The following RNF17 variants were observed in gnomAD, a reference collection of about 807,000 sequenced individuals.
RNF17 encodes ring finger protein 17.
A neutral mutation model predicts 200.5 loss-of-function variants in RNF17; 31 were observed. That is an observed-to-expected ratio of 0.15 (90% confidence interval 0.12 to 0.21). The LOEUF (loss-of-function observed/expected upper bound fraction) is 0.21, where lower values mean the gene tolerates loss of function less well. RNF17 is among the 10% of genes least tolerant of loss of function. RNF17 has a pLI of 1.00. For missense variants in RNF17, 1,628 were observed against 1,905.1 expected (o/e 0.85, Z 2.71); for synonymous variants, 606 against 637.8 (o/e 0.95, Z 0.75).
At chr13:24,830,006 G>A (rs370138459) in intron 16 of RNF17, among the ~76,000 whole-genome samples, 4 of 152,188 alleles carry the variant, frequency 2.6e-5, no homozygotes, top group African/African-American at 9.6e-5. Context: ...TTTTAAATAG[G>A]CGAATCCTCC....
In RNF17 at chr13:24,772,890, C is replaced by T. The variant is rs373791286; in HGVS notation, c.226-1923C>T. Reference sequence around the variant, plus strand: ...CTCCCAAAAGTGCTGGGATTACAGGCGTGAGCCACCGCCCCTGGTCGTGAA... The same window carrying T: ...CTCCCAAAAGTGCTGGGATTACAGGTGTGAGCCACCGCCCCTGGTCGTGAA... On this transcript the variant is annotated intron_variant, in intron 2 of 35. Transcript: ENST00000255324. Among the ~76,000 whole-genome samples the T allele has an allele frequency of 1.1e-4, 16 of 152,152 alleles. No homozygotes were observed. The East Asian group carries it at 1.9e-3, about 18-fold the overall frequency.
chr13:24,781,004 G>T (rs896264855), intron 5 of RNF17, among the ~76,000 whole-genome samples: 2 of 152,100 alleles, frequency 1.3e-5, no homozygotes, highest in Non-Finnish European at 2.9e-5. Context: ...CCTGTGAAAC[G>T]AGACAAGAAC....
chr13:24,888,198 T>C, the RNF17 span, among the ~76,000 whole-genome samples: 1 of 151,922 alleles, frequency 6.6e-6, no homozygotes, highest in Admixed American at 6.6e-5. Context: ...ATTAAAGTCA[T>C]GAAAACCAAA....
intron 9 of RNF17, among the ~76,000 whole-genome samples, chr13:24,790,005 A>G (rs1243184786): frequency 6.6e-6 from 1 of 152,152 alleles, no homozygotes; most frequent in Non-Finnish European, 1.5e-5. Flanking sequence ...GCAAGCATTG[A>G]ACACTGCTAG....
intron 22 of RNF17, among the ~76,000 whole-genome samples, chr13:24,848,515 A>G (rs1247243138): frequency 1.3e-5 from 2 of 152,042 alleles, no homozygotes; most frequent in Non-Finnish European, 2.9e-5. Flanking sequence ...TACAAAAATT[A>G]GCCAGGTGTG....
chr13:24,866,980 A>G (rs1893691201), intron 30 of RNF17, among the ~76,000 whole-genome samples: 1 of 152,198 alleles, frequency 6.6e-6, no homozygotes. Flanking sequence ...ATGAAGTGGC[A>G]TATCACTGTA....
At chr13:24,828,310 A>G (rs1888980592) in intron 16 of RNF17, among the ~76,000 whole-genome samples, 1 of 151,924 alleles carries the variant, frequency 6.6e-6, no homozygotes, top group South Asian at 2.1e-4. Context: ...TGTCTGGCCC[A>G]TTTTCCTGTA....
the RNF17 span, among the ~76,000 whole-genome samples, chr13:24,758,851 C>T: frequency 3.6e-4 from 54 of 152,024 alleles, no homozygotes; most frequent in East Asian, 1.5e-3. Flanking sequence ...CCAAGGTGGG[C>T]GGATCACAAG....
At chr13:24,779,600 A>AAT (rs1049366063) in intron 4 of RNF17, 67 bp from the exon 5 acceptor site, 18 of 1,258,656 alleles carry the variant, frequency 1.4e-5, no homozygotes, top group African/African-American at 3.0e-5. Context: ...TTGCAACTAT[A>AAT]ATATATATAT....
At chr13:24,885,394 C>G in the RNF17 span, 1 of 1,584,616 alleles carries the variant, frequency 6.3e-7, no homozygotes, top group Non-Finnish European at 8.7e-7. Flanking sequence ...AGCCTGTAAG[C>G]ACAACACATT....
At chr13:24,830,012 C>A (rs1889211814) in intron 16 of RNF17, among the ~76,000 whole-genome samples, 1 of 152,146 alleles carries the variant, frequency 6.6e-6, no homozygotes, top group African/African-American at 2.4e-5. Flanking sequence ...ATAGGCGAAT[C>A]CTCCAAAAAC....
At chr13:24,870,811 C>A in intron 32 of RNF17, 72 bp downstream of exon 32, 1 of 1,221,946 alleles carries the variant, frequency 8.2e-7, no homozygotes, top group Non-Finnish European at 1.2e-6. Context: ...GGCTGATGAC[C>A]TTGGGCTATC....
At chr13:24,852,123 TTTCTC>T in intron 24 of RNF17, among the ~76,000 whole-genome samples, 1 of 149,002 alleles carries the variant, frequency 6.7e-6, no homozygotes, top group East Asian at 2.0e-4. Context: ...AGCTTAATCT[TTTCTC>T]TCTCTCTCTT....
At chr13:24,881,521 T>C (rs57421401), downstream of RNF17, among the ~76,000 whole-genome samples, 20,471 of 151,714 alleles carry the variant, frequency 0.13, 1,578 homozygotes, top group East Asian at 0.31. Context: ...CTAGAATATA[T>C]CATCTATGTA....
intron 6 of RNF17, among the ~76,000 whole-genome samples, chr13:24,785,370 AAT>A (rs1286214009): frequency 6.6e-6 from 1 of 152,134 alleles, no homozygotes; most frequent in Non-Finnish European, 1.5e-5. Context: ...CATGTTTATG[AAT>A]CTTCCGGGGT....
Position 24,853,972 on chromosome 13 carries a change from A to G in RNF17, c.3438A>G (p.Lys1146=), listed in dbSNP as rs1335102519. The G allele has an allele frequency of 2.5e-6, 4 of 1,614,176 alleles. No individual in the cohort carries two copies. In the South Asian group the frequency reaches 4.4e-5, roughly 18 times the overall value. ...CIKTNFDPDK[K]TADIISEQKV... ...AAACTAACTTTGACCCTGACAAGAA[A>G]ACTGCTGACATAATCAGTGAACAGA... Residue 1146 remains lysine, a synonymous_variant, in exon 25 of 36, where the codon AAA becomes AAG. Transcript: ENST00000255324.
At chr13:24,762,596 C>T (rs574192589), upstream of RNF17, among the ~76,000 whole-genome samples, 35 of 152,114 alleles carry the variant, frequency 2.3e-4, no homozygotes, top group South Asian at 6.2e-3. Context: ...ACTTTTCTCT[C>T]GAAGACAACA....
At chr13:24,883,946 A>G (rs1170836175), downstream of RNF17, 3 of 1,613,968 alleles carry the variant, frequency 1.9e-6, no homozygotes, top group Non-Finnish European at 2.5e-6. Context: ...TTTTCTGTGA[A>G]CATAATGTTG....
intron 32 of RNF17, among the ~76,000 whole-genome samples, chr13:24,870,989 C>T (rs551555482): frequency 2.0e-5 from 3 of 152,258 alleles, no homozygotes; most frequent in East Asian, 1.9e-4. Flanking sequence ...AATAAGACAG[C>T]GTTGGAAAAT....
Sources: gnomAD v4.1 joint callset for allele counts (sites outside exome capture counted in the v4.1 genomes callset) on GRCh38, gnomAD v4.1.1 for gene constraint, MANE v1.5 for transcripts, NCBI Gene and HGNC (gene_info 2026-07-23, HGNC 2026-07-21) for gene names.